PDE11A: variants seen among roughly 807,000 people sequenced by gnomAD.
PDE11A encodes phosphodiesterase 11A.
PDE11A carries 100 observed loss-of-function variants against 100.5 expected under a neutral mutation model. That is an observed-to-expected ratio of 1.00 (90% CI 0.85 to 1.18). PDE11A has a LOEUF of 1.18. PDE11A is among the 50% of genes most tolerant of loss of function. The pLI, the probability that PDE11A is intolerant of heterozygous loss-of-function variation, is 0.00. For missense variants in PDE11A, 1,141 were observed against 1,152.6 expected, an observed-to-expected ratio of 0.99 and a Z score of 0.15; for synonymous variants, 381 against 420.8, an observed-to-expected ratio of 0.91 and a Z score of 1.16.
chr2:177,823,643 C>G (rs969356411), intron 6 of PDE11A, among the ~76,000 whole-genome samples: 1 of 152,042 alleles, frequency 6.6e-6, no homozygotes, highest in Admixed American at 6.6e-5. Flanking sequence ...AAGTTATCTT[C>G]CAAAAAAACA....
chr2:178,104,119 C>T (rs887064428), intron 2 of PDE11A, among the ~76,000 whole-genome samples: 14 of 152,116 alleles, frequency 9.2e-5, no homozygotes, highest in African/African-American at 3.1e-4. Context: ...CTTAATTCTT[C>T]TGATTAAAAG....
chr2:177,629,429 A>G lies in PDE11A; in HGVS notation c.2780T>C (p.Val927Ala), dbSNP rs2079882690. The G allele has an allele frequency of 6.3e-7, 1 of 1,591,620 alleles. No homozygotes were observed. The highest frequency in any genetic ancestry group is 1.1e-5 in the South Asian group (1 of 89,928). ...TASSSPASVM[V>A]AKEDRN ...GGTTTAGTTCCTGTCTTCCTTGGCTACCATAACACTGGCAGGGGAGGATGA... is the reference window on the plus strand; with the variant it reads ...GGTTTAGTTCCTGTCTTCCTTGGCTGCCATAACACTGGCAGGGGAGGATGA... Residue 927 changes from valine to alanine, a missense_variant, in exon 20 of 20, where the codon GTA becomes GCA. By Grantham distance (64) the Val-to-Ala change is moderately conservative. Coordinates refer to ENST00000286063, the MANE Select transcript of PDE11A (RefSeq NM_016953.4).
intron 19 of PDE11A, among the ~76,000 whole-genome samples, chr2:177,660,082 T>TC (rs765017972): frequency 2.8e-5 from 1 of 35,966 alleles, no homozygotes; most frequent in Non-Finnish European, 6.1e-5. Context: ...TTTCTTTCTT[T>TC]CTTTCTTTCT....
At chr2:177,945,179 C>T (rs1268945011) in intron 2 of PDE11A, among the ~76,000 whole-genome samples, 1 of 151,600 alleles carries the variant, frequency 6.6e-6, no homozygotes, top group Non-Finnish European at 1.5e-5. Context: ...ACAACCTACA[C>T]CTCCCAGCCG....
chr2:178,025,492 CT>C (rs971982538), intron 1 of PDE11A, among the ~76,000 whole-genome samples: 1 of 152,060 alleles, frequency 6.6e-6, no homozygotes, highest in Non-Finnish European at 1.5e-5. Flanking sequence ...TTAGTTGGCA[CT>C]TTTCTTTGGT....
intron 2 of PDE11A, chr2:177,998,547 T>A: frequency 7.6e-7 from 1 of 1,318,822 alleles, no homozygotes; most frequent in Non-Finnish European, 1.1e-6. Context: ...AATAGATACA[T>A]CTTCATCTTC....
chr2:177,724,570 A>G (rs1201682407), intron 12 of PDE11A, among the ~76,000 whole-genome samples: 2 of 152,120 alleles, frequency 1.3e-5, no homozygotes, highest in East Asian at 3.9e-4. Flanking sequence ...ATAGGCTTGG[A>G]AAAATACACA....
chr2:177,846,174 T>C (rs1002236803), intron 5 of PDE11A, among the ~76,000 whole-genome samples: 2 of 152,318 alleles, frequency 1.3e-5, no homozygotes, highest in Non-Finnish European at 2.9e-5. Context: ...AATTTTATGT[T>C]ATGATTAGGA....
At chr2:178,090,513 T>C (rs1278935712) in intron 2 of PDE11A, among the ~76,000 whole-genome samples, 1 of 133,346 alleles carries the variant, frequency 7.5e-6, no homozygotes, top group African/African-American at 2.9e-5. Context: ...ACTATCTTCT[T>C]TCTACTTCCC....
At chr2:177,727,097 G>A (rs970676833) in intron 12 of PDE11A, among the ~76,000 whole-genome samples, 2 of 152,128 alleles carry the variant, frequency 1.3e-5, no homozygotes, top group African/African-American at 2.4e-5. Context: ...AGATATCTCC[G>A]TGAAACAGAC....
chr2:177,926,072 G>C (rs1160148267), intron 2 of PDE11A, among the ~76,000 whole-genome samples: 2 of 127,034 alleles, frequency 1.6e-5, no homozygotes, highest in Non-Finnish European at 3.6e-5. Flanking sequence ...AGATAATAAA[G>C]ATAGTAGAAA....
chr2:178,030,961 A>G (rs991630211), intron 1 of PDE11A, among the ~76,000 whole-genome samples: 3 of 151,426 alleles, frequency 2.0e-5, no homozygotes, highest in Non-Finnish European at 4.4e-5. Context: ...AAATCAGACA[A>G]TACATAAAAA....
At chr2:177,673,269 T>G (rs185830307) in intron 17 of PDE11A, among the ~76,000 whole-genome samples, 22 of 152,170 alleles carry the variant, frequency 1.4e-4, no homozygotes, top group Non-Finnish European at 2.9e-4. Flanking sequence ...TTCAACCTTC[T>G]TTAGGTGAGA....
At chr2:178,041,231 T>G (rs1378543700) in intron 1 of PDE11A, among the ~76,000 whole-genome samples, 1 of 149,264 alleles carries the variant, frequency 6.7e-6, no homozygotes, top group African/African-American at 2.5e-5. Flanking sequence ...TGAGCCTCCA[T>G]GTCAAGCTCA....
At chr2:177,937,980 TGTGA>T (rs1226897033) in intron 2 of PDE11A, among the ~76,000 whole-genome samples, 2 of 152,180 alleles carry the variant, frequency 1.3e-5, no homozygotes, top group South Asian at 2.1e-4. Flanking sequence ...AATTGGTAAC[TGTGA>T]GTATTACCAA....
intron 19 of PDE11A, among the ~76,000 whole-genome samples, chr2:177,637,772 A>T (rs2080063032): frequency 2.0e-5 from 3 of 150,580 alleles, no homozygotes; most frequent in Admixed American, 2.0e-4. Flanking sequence ...TCACAGCTCA[A>T]ATGATGCTCT....
At chr2:177,880,513 C>T (rs2084313539) in intron 4 of PDE11A, among the ~76,000 whole-genome samples, 1 of 152,122 alleles carries the variant, frequency 6.6e-6, no homozygotes, top group African/African-American at 2.4e-5. Context: ...CTAGACTCTG[C>T]CCCATGCTAA....
chr2:177,794,514 A>C (rs748387957), intron 9 of PDE11A, among the ~76,000 whole-genome samples: 5 of 152,104 alleles, frequency 3.3e-5, no homozygotes, highest in Non-Finnish European at 5.9e-5. Flanking sequence ...GGCTCATCGA[A>C]TTGGGCCCAG....
intron 9 of PDE11A, among the ~76,000 whole-genome samples, chr2:177,805,455 T>C (rs2082855772): frequency 6.6e-6 from 1 of 152,124 alleles, no homozygotes; most frequent in Admixed American, 6.6e-5. Flanking sequence ...TGAATGACTG[T>C]ATTCCAGAAA....
Sources: allele counts gnomAD v4.1 joint callset (sites outside exome capture counted in the v4.1 genomes callset), GRCh38; gene constraint gnomAD v4.1.1; transcripts MANE v1.5; gene names NCBI Gene and HGNC (gene_info 2026-07-23, HGNC 2026-07-21).